NCAPD3: variants seen among roughly 807,000 people sequenced by gnomAD.
The protein encoded by NCAPD3 is condensin-2 complex subunit D3.
NCAPD3 carries 105 observed loss-of-function variants against 182.9 expected under a neutral mutation model. The ratio of observed to expected loss-of-function variants is 0.57; its 90% CI spans 0.49 to 0.68. The LOEUF is 0.68. Ranked by LOEUF, NCAPD3 falls within the 30% of genes least tolerant of loss-of-function variation. The probability of loss-of-function intolerance (pLI) is 0.00; values close to 1 mark genes in which losing one functional copy is unlikely to be tolerated. For synonymous variants in NCAPD3, 815 were observed against 679.9 expected (o/e 1.20, Z -3.09); for missense variants, 1,944 against 1,837.0 (o/e 1.06, Z -1.07).
intron 26 of NCAPD3, 99 bp from the exon 27 acceptor site, chr11:134,168,294 CAG>C (rs1943918510): frequency 2.1e-6 from 3 of 1,438,246 alleles, no homozygotes; most frequent in African/African-American, 1.4e-5. Flanking sequence ...CTGAGGCTGT[CAG>C]GGGGTCTGCA....
At chr11:134,191,578 T>C (rs945101216) in intron 16 of NCAPD3, among the ~76,000 whole-genome samples, 9 of 152,208 alleles carry the variant, frequency 5.9e-5, no homozygotes, top group Admixed American at 3.9e-4. Flanking sequence ...CCTCTCCTGC[T>C]TTTTTGCAAA....
At position 134,210,316 on chromosome 11, in the gene NCAPD3, C is replaced by A; in HGVS notation, c.521G>T (p.Gly174Val). The A allele has an allele frequency of 6.2e-7, 1 of 1,614,046 alleles. No individual in the cohort carries two copies. Among genetic ancestry groups the A allele is most frequent in the Non-Finnish European group, 8.5e-7 (1 of 1,179,982 alleles). The change falls in exon 4 of 35, where the codon GGG becomes GTG. Residue 174 changes from glycine to valine, a missense_variant. By Grantham distance (109) the Gly-to-Val change is moderately radical. This residue lies in a region of NCAPD3 where 1,803 missense variants were observed against 1,674.6 expected (regional missense o/e 1.08). Transcript: ENST00000534548. ...TGGCTTTCCCCTTTTTCTATGCCTC[C>A]CGGGGTTAGCCTGAGAGCTCTTAGG... ...EQPKSSQANP[G>V]RHRKRGKPPR...
chr11:134,190,521 C>T (rs1034530230), intron 16 of NCAPD3, among the ~76,000 whole-genome samples: 1 of 152,178 alleles, frequency 6.6e-6, no homozygotes, highest in Non-Finnish European at 1.5e-5. Flanking sequence ...AGGTCTTGCT[C>T]TGTCGCCCAG....
rs767757699 is a variant in NCAPD3, at chr11:134,185,516, T to G, written c.2056A>C (p.Asn686His). The change falls in exon 17 of 35, where the codon AAT (asparagine) becomes CAT (histidine). Residue 686 changes from asparagine to histidine, a missense_variant. Transcript: ENST00000534548. ...TTGGACCAGATATGAAAAGCCTTATTTAAATATCGGCTGGAAAAAAAAAAG... is the reference window on the plus strand; with the variant it reads ...TTGGACCAGATATGAAAAGCCTTATGTAAATATCGGCTGGAAAAAAAAAAG... Reference protein sequence around the residue: ...TESQELSRYLNKAFHIWSKKE... With the variant: ...TESQELSRYLHKAFHIWSKKE... 1 of 1,588,846 alleles carries G rather than the reference T, an allele frequency of 6.3e-7. No individual in the cohort carries two copies. The highest frequency in any genetic ancestry group is 8.5e-7 in the Non-Finnish European group (1 of 1,170,478).
intron 32 of NCAPD3, among the ~76,000 whole-genome samples, chr11:134,156,502 C>G (rs941811588): frequency 1.3e-5 from 2 of 152,172 alleles, no homozygotes; most frequent in Non-Finnish European, 2.9e-5. Flanking sequence ...CCTAACTCAC[C>G]TCTGTTTTGA....
In NCAPD3 at chr11:134,158,317, G is replaced by A. The variant is rs746376357; in HGVS notation, c.4034+12C>T. 19 of 1,613,718 alleles carry A rather than the reference G, an allele frequency of 1.2e-5. No individual in the cohort carries two copies. The highest frequency in any genetic ancestry group is 2.2e-5 in the South Asian group (2 of 91,044). ...AGAACCAGCCCTGATGTGGCCTCCAGGGGCTCTTTACCTGGCTTTGGGCAG... is the reference window on the plus strand; with the variant it reads ...AGAACCAGCCCTGATGTGGCCTCCAAGGGCTCTTTACCTGGCTTTGGGCAG... On this transcript the variant is annotated intron_variant, in intron 30 of 34. Transcript: ENST00000534548.
chr11:134,224,801 A>G (rs1005106972), upstream of NCAPD3: 1 of 153,822 alleles, frequency 6.5e-6, no homozygotes, highest in Admixed American at 6.6e-5. Context: ...CCCCCGCAGC[A>G]TTGCACGGCC....
intron 16 of NCAPD3, among the ~76,000 whole-genome samples, chr11:134,189,363 T>C (rs895712808): frequency 4.6e-5 from 7 of 152,196 alleles, no homozygotes; most frequent in Admixed American, 1.3e-4. Flanking sequence ...ACTTCTTAAA[T>C]TGAACCTTTA....
At chr11:134,220,464 A>T in intron 2 of NCAPD3, 108 bp downstream of exon 2, 1 of 970,178 alleles carries the variant, frequency 1.0e-6, no homozygotes, top group South Asian at 1.9e-5. Context: ...CTCATATTGT[A>T]CTCCCTGTGA....
Position 134,214,217 on chromosome 11 carries a change from G to A in NCAPD3, c.382+2719C>T, listed in dbSNP as rs1320326236. 4.0e-5 allele frequency among the ~76,000 whole-genome samples: 6 copies of A among 151,630 alleles called. No individual in the cohort carries two copies. In the East Asian group the frequency reaches 1.2e-3, roughly 29 times the overall value. On this transcript the variant is annotated intron_variant, in intron 3 of 34. Coordinates refer to ENST00000534548, the MANE Select transcript of NCAPD3 (RefSeq NM_015261.3). The stretch of plus-strand genomic sequence containing the variant: ...TAATTTAAAAGTATCATAATCATAT[G>A]AAGTATGTTCTCTGATCCCACCAAT...
chr11:134,167,781 TG>T (rs989495868), intron 27 of NCAPD3, among the ~76,000 whole-genome samples: 1 of 101,482 alleles, frequency 9.9e-6, no homozygotes, highest in Non-Finnish European at 1.9e-5. Context: ...GAGATGAGCT[TG>T]GGGGAGGTGC....
chr11:134,225,030 G>C (rs1207250245), upstream of NCAPD3: 1 of 1,221,460 alleles, frequency 8.2e-7, no homozygotes, highest in East Asian at 3.1e-5. Context: ...GCGCGCTCGC[G>C]CATCGGGCCC....
intron 12 of NCAPD3, 112 bp downstream of exon 12, chr11:134,203,030 A>G (rs1177580383): frequency 3.4e-6 from 4 of 1,177,190 alleles, no homozygotes; most frequent in Non-Finnish European, 4.9e-6. Flanking sequence ...TCTCTCATGA[A>G]AAAAGTACAA....
At chr11:134,153,117 A>C (rs774892802) in intron 34 of NCAPD3, 23 bp downstream of exon 34, 1 of 1,613,652 alleles carries the variant, frequency 6.2e-7, no homozygotes, top group Non-Finnish European at 8.5e-7. Context: ...CATCCACCTC[A>C]AAAGGAACAC....
At chr11:134,225,098 G>C, upstream of NCAPD3, 1 of 1,578,940 alleles carries the variant, frequency 6.3e-7, no homozygotes, top group African/African-American at 1.3e-5. Context: ...GGTCCTTACC[G>C]AGACCCGCCC....
intron 24 of NCAPD3, among the ~76,000 whole-genome samples, chr11:134,169,437 G>T (rs1409884808): frequency 1.3e-5 from 2 of 152,216 alleles, no homozygotes; most frequent in Non-Finnish European, 2.9e-5. Context: ...CCAGAAAAGG[G>T]ATATCTGGCC....
intron 27 of NCAPD3, among the ~76,000 whole-genome samples, chr11:134,163,947 A>C (rs1206360970): frequency 6.6e-6 from 1 of 152,080 alleles, no homozygotes; most frequent in African/African-American, 2.4e-5. Flanking sequence ...CTGTGACAGA[A>C]AGAAACCAGA....
In NCAPD3 at chr11:134,205,006, T is replaced by G. The variant is rs753811595; in HGVS notation, c.1017-35A>C. ...AGAAAAACACATCTACTGTTCACAA[T>G]ACAGTCAGCGACTGTCCCCAAAAAC... On this transcript the variant is annotated intron_variant, in intron 8 of 34. Coordinates refer to ENST00000534548, the MANE Select transcript of NCAPD3 (RefSeq NM_015261.3). 1.3e-4 allele frequency: 203 copies of G among 1,541,932 alleles called. 1 individual carries two copies. The highest frequency in any genetic ancestry group is 1.7e-4 in the Non-Finnish European group (194 of 1,116,148).
At chr11:134,163,244 T>A (rs1183551580) in intron 27 of NCAPD3, among the ~76,000 whole-genome samples, 1 of 152,202 alleles carries the variant, frequency 6.6e-6, no homozygotes, top group Non-Finnish European at 1.5e-5. Flanking sequence ...AATTTACCCA[T>A]TTTAAACAAA....
Sources: gnomAD v4.1 joint callset for allele counts (sites outside exome capture counted in the v4.1 genomes callset) on GRCh38, gnomAD v4.1.1 for gene constraint, gnomAD v4.1.1 regional missense constraint, MANE v1.5 for transcripts, NCBI Gene and HGNC (gene_info 2026-07-23, HGNC 2026-07-21) for gene names.